ATP2C1: variants seen among roughly 807,000 people sequenced by gnomAD.
ATP2C1 encodes the protein calcium-transporting ATPase type 2C member 1.
In ATP2C1, 31 loss-of-function variants were observed where a neutral mutation model predicts 120.5. That is an observed-to-expected ratio of 0.26 (90% CI 0.19 to 0.35). The LOEUF (loss-of-function observed/expected upper bound fraction) is 0.35, where lower values mean the gene tolerates loss of function less well. ATP2C1 is among the 10% of genes least tolerant of loss of function. The pLI is 1.00. For synonymous variants in ATP2C1, 351 were observed against 358.7 expected (o/e 0.98, Z 0.24); for missense variants, 731 against 1,107.5 (o/e 0.66, Z 4.83).
rs2069373789 is a variant in ATP2C1, at chr3:130,894,261, C to T, written c.-257C>T. Reference sequence around the variant, plus strand: ...TGCCCCGCGAGCAGCTCCTCTTCTCCCGAGGCGCGCGGGGCGCCCCCGCGA... The same window carrying T: ...TGCCCCGCGAGCAGCTCCTCTTCTCTCGAGGCGCGCGGGGCGCCCCCGCGA... On this transcript the variant is annotated 5_prime_UTR_variant, in exon 1 of 28. Coordinates refer to ENST00000510168, the MANE Select transcript of ATP2C1 (RefSeq NM_001378687.1). This position sits in a 1 kb window ranked among gnomAD's most constrained non-coding sequence, Gnocchi z 4.5. The T allele has an allele frequency of 1.0e-6, 1 of 986,252 alleles. No homozygotes were observed. 61.1% of individuals were successfully genotyped at this position (986,252 alleles called of 1,614,324 possible).
At chr3:130,946,113 G>T (rs1423877188) in intron 8 of ATP2C1, among the ~76,000 whole-genome samples, 1 of 152,134 alleles carries the variant, frequency 6.6e-6, no homozygotes, top group Non-Finnish European at 1.5e-5. Context: ...TTTTCTAAAT[G>T]TATCAGACTT....
At chr3:130,974,273 A>G (rs1230260022) in intron 17 of ATP2C1, among the ~76,000 whole-genome samples, 2 of 152,244 alleles carry the variant, frequency 1.3e-5, no homozygotes, top group Admixed American at 1.3e-4. Context: ...AGGATAGGCC[A>G]TGAAAACAAC....
chr3:130,934,150 G>C (rs2059567657), intron 4 of ATP2C1, among the ~76,000 whole-genome samples: 1 of 152,146 alleles, frequency 6.6e-6, no homozygotes, highest in African/African-American at 2.4e-5. Context: ...AGTTTCTTTT[G>C]TGGAGAGGAG....
chr3:130,997,806 G>T, intron 25 of ATP2C1, 53 bp downstream of exon 25: 1 of 1,594,652 alleles, frequency 6.3e-7, no homozygotes. Context: ...ATATCTGATA[G>T]GATTCTTAGT....
chr3:130,867,585 C>A (rs1352036561), intron 1 of ATP2C1, among the ~76,000 whole-genome samples: 1 of 150,826 alleles, frequency 6.6e-6, no homozygotes, highest in African/African-American at 2.4e-5. Context: ...GTCTCATTCA[C>A]TCAGTGCTCA....
At chr3:130,883,303 TTTCA>T (rs2107826694) in intron 1 of ATP2C1, among the ~76,000 whole-genome samples, 1 of 152,284 alleles carries the variant, frequency 6.6e-6, no homozygotes, top group African/African-American at 2.4e-5. Context: ...TAACTTTTTG[TTTCA>T]TTGACATTTT....
At chr3:130,902,353 T>C (rs2057901455) in intron 2 of ATP2C1, among the ~76,000 whole-genome samples, 1 of 137,584 alleles carries the variant, frequency 7.3e-6, no homozygotes, top group South Asian at 2.5e-4. Context: ...CTAGGAAACA[T>C]AGAGTAGCTT....
intron 18 of ATP2C1, among the ~76,000 whole-genome samples, chr3:130,977,771 T>C (rs143621181): frequency 5.9e-5 from 9 of 152,272 alleles, no homozygotes; most frequent in African/African-American, 1.9e-4. Flanking sequence ...TTCTTCTTTA[T>C]CTACCCTTGT....
intron 2 of ATP2C1, among the ~76,000 whole-genome samples, chr3:130,921,240 CCTGA>C (rs1380226404): frequency 1.9e-5 from 2 of 103,448 alleles, no homozygotes; most frequent in East Asian, 4.2e-4. Flanking sequence ...TGCCACCACA[CCTGA>C]CTAACTTTTG....
At chr3:130,902,284 G>GTTTTTTTTTTTTTTTTTTT (rs1157956407) in intron 2 of ATP2C1, among the ~76,000 whole-genome samples, 2 of 65,504 alleles carry the variant, frequency 3.1e-5, no homozygotes, top group African/African-American at 1.1e-4. Context: ...AAGGCTTCAC[G>GTTTTTTTTTTTTTTTTTTT]TTTTTTTTTT....
At chr3:130,931,063 T>C (rs1439264312) in intron 3 of ATP2C1, among the ~76,000 whole-genome samples, 3 of 152,146 alleles carry the variant, frequency 2.0e-5, no homozygotes, top group Admixed American at 6.6e-5. Flanking sequence ...AAAAAGATAA[T>C]ATTTTTTATT....
chr3:130,878,654 T>G (rs748049001), intron 1 of ATP2C1, among the ~76,000 whole-genome samples: 1 of 152,208 alleles, frequency 6.6e-6, no homozygotes, highest in Non-Finnish European at 1.5e-5. Context: ...CTTTGCTGGG[T>G]ATAGTATTCT....
At chr3:130,967,520 G>GA (rs878984905) in intron 16 of ATP2C1, 101 bp downstream of exon 16, 4 of 938,534 alleles carry the variant, frequency 4.3e-6, no homozygotes, top group Non-Finnish European at 6.8e-6. Flanking sequence ...GGTATTGAGT[G>GA]AAAAAAACTC....
chr3:130,904,837 A>G (rs1374824992), intron 2 of ATP2C1, among the ~76,000 whole-genome samples: 1 of 152,068 alleles, frequency 6.6e-6, no homozygotes, highest in Non-Finnish European at 1.5e-5. Flanking sequence ...CAATTAAGGA[A>G]GTACTGTCCT....
intron 12 of ATP2C1, chr3:130,963,375 C>T (rs545701315): frequency 1.3e-5 from 2 of 156,276 alleles, no homozygotes; most frequent in African/African-American, 4.8e-5. Context: ...TTTGCCTATT[C>T]TAGATATTTC....
chr3:130,923,579 A>G (rs934067872), intron 2 of ATP2C1, among the ~76,000 whole-genome samples: 4 of 151,910 alleles, frequency 2.6e-5, no homozygotes, highest in African/African-American at 9.7e-5. Context: ...AAGAATAACT[A>G]CTTCTAGGCC....
chr3:130,871,145 A>G (rs1056103793), intron 1 of ATP2C1, among the ~76,000 whole-genome samples: 1 of 152,232 alleles, frequency 6.6e-6, no homozygotes, highest in African/African-American at 2.4e-5. Flanking sequence ...ATAGACTACA[A>G]TACAGTGTAA....
chr3:130,927,864 A>G (rs1367185896), intron 2 of ATP2C1: 1 of 153,724 alleles, frequency 6.5e-6, no homozygotes, highest in African/African-American at 2.4e-5. Flanking sequence ...CATCTCACCT[A>G]TCTCAAAGAT....
Position 130,894,099 on chromosome 3 carries a change from C to T in ATP2C1, c.-419C>T, listed in dbSNP as rs907443363. The stretch of plus-strand genomic sequence containing the variant: ...AGGCGGGAGCAGACCAGCACGGCCT[C>T]GCGGAGCCGGCCCGGCGGACCGTGA... On this transcript the variant is annotated 5_prime_UTR_variant, in exon 1 of 28. Coordinates refer to ENST00000510168, the MANE Select transcript of ATP2C1 (RefSeq NM_001378687.1). This position sits in a 1 kb window ranked among gnomAD's most constrained non-coding sequence, Gnocchi z 4.5. The T allele has an allele frequency of 1.0e-6, 1 of 975,788 alleles. No individual in the cohort carries two copies. Among genetic ancestry groups the T allele is most frequent in the Non-Finnish European group, 1.2e-6 (1 of 821,172 alleles). 60.4% of individuals were successfully genotyped at this position (975,788 alleles called of 1,614,324 possible).
Sources: allele counts gnomAD v4.1 joint callset (sites outside exome capture counted in the v4.1 genomes callset), GRCh38; gene constraint gnomAD v4.1.1; non-coding constraint Gnocchi (gnomAD v3.1); transcripts MANE v1.5; gene names NCBI Gene and HGNC (gene_info 2026-07-23, HGNC 2026-07-21).